Variants in CDH12 observed in about 807,000 individuals in gnomAD.
The protein encoded by CDH12 is cadherin 12, also known as cadherin-12.
CDH12 carries 41 observed loss-of-function variants against 74.1 expected under a neutral mutation model. The observed-to-expected ratio is 0.55, with a 90% CI of 0.43 to 0.72. The LOEUF is 0.72. Among genes scored for constraint, CDH12 ranks in the 30% least tolerant of loss-of-function variants. CDH12 has a pLI of 0.00. For missense variants in CDH12, 945 were observed against 977.2 expected (o/e 0.97, Z 0.44); for synonymous variants, 399 against 355.0 (o/e 1.12, Z -1.39).
chr5:21,994,711 G>A (rs1385155421), intron 5 of CDH12, among the ~76,000 whole-genome samples: 3 of 152,120 alleles, frequency 2.0e-5, no homozygotes, highest in Admixed American at 2.0e-4. Context: ...AGGTGAAGCC[G>A]GCTGGGCTTC....
intron 6 of CDH12, among the ~76,000 whole-genome samples, chr5:21,943,945 T>G (rs1406181990): frequency 6.6e-6 from 1 of 152,102 alleles, no homozygotes; most frequent in Non-Finnish European, 1.5e-5. Flanking sequence ...ATCAGTTAGT[T>G]ATAAAAAAAA....
chr5:22,349,926 T>C (rs1354664793), intron 3 of CDH12, among the ~76,000 whole-genome samples: 1 of 152,190 alleles, frequency 6.6e-6, no homozygotes, highest in Non-Finnish European at 1.5e-5. Context: ...CATTGAAAGA[T>C]TAAACAATAG....
intron 4 of CDH12, among the ~76,000 whole-genome samples, chr5:22,101,059 C>A (rs528519469): frequency 5.3e-5 from 8 of 151,964 alleles, no homozygotes; most frequent in Non-Finnish European, 1.0e-4. Flanking sequence ...ATTACAAAAA[C>A]CAGATATTAC....
chr5:22,135,209 C>CAA (rs5866550), intron 4 of CDH12, among the ~76,000 whole-genome samples: 3,163 of 119,264 alleles, frequency 0.027, 46 homozygotes, highest in African/African-American at 0.039. Context: ...AACACATAAG[C>CAA]AAAAAAAAAA....
chr5:22,458,434 C>T (rs539415237), intron 2 of CDH12, among the ~76,000 whole-genome samples: 6 of 152,270 alleles, frequency 3.9e-5, no homozygotes, highest in Admixed American at 2.0e-4. Context: ...ACCAGAGCTT[C>T]GGATTTCAAC....
chr5:22,485,931 A>G (rs1746573197), intron 2 of CDH12, among the ~76,000 whole-genome samples: 1 of 152,202 alleles, frequency 6.6e-6, no homozygotes, highest in South Asian at 2.1e-4. Context: ...AAGAGGGGCA[A>G]TAGGGTTAAA....
chr5:22,606,480 C>T (rs993087405), intron 1 of CDH12, among the ~76,000 whole-genome samples: 1 of 152,162 alleles, frequency 6.6e-6, no homozygotes, highest in Non-Finnish European at 1.5e-5. Context: ...TTCTGCTATG[C>T]TGTTCTCATG....
rs1183679995 is a variant in CDH12 at position 22,483,972 on chromosome 5, ACTT to A, written c.-428+21295_-428+21297del. On this transcript the variant is annotated intron_variant, in intron 2 of 14. Transcript: ENST00000382254. ...CGGGAATTCCAAATTTCAGAAACAA[ACTT>A]CTTCTAACCGTAAGAAATTGTTTAT... Among the ~76,000 whole-genome samples, 7 of 150,586 alleles carry A rather than the reference ACTT, an allele frequency of 4.6e-5. No individual in the cohort carries two copies. In the South Asian group the frequency reaches 6.3e-4, roughly 14 times the overall value.
At chr5:21,870,253 A>G (rs563381316) in intron 6 of CDH12, among the ~76,000 whole-genome samples, 329 of 152,186 alleles carry the variant, frequency 2.2e-3, no homozygotes, top group Non-Finnish European at 3.5e-3. Context: ...ATGGTCTAAT[A>G]CACCTAGAGA....
At chr5:22,374,288 T>C (rs1344052379) in intron 3 of CDH12, among the ~76,000 whole-genome samples, 3 of 151,968 alleles carry the variant, frequency 2.0e-5, no homozygotes, top group African/African-American at 7.2e-5. Flanking sequence ...CTCAACAAAA[T>C]AGAAGTAGAA....
intron 1 of CDH12, among the ~76,000 whole-genome samples, chr5:22,703,462 A>G (rs566538683): frequency 6.6e-6 from 1 of 152,268 alleles, no homozygotes; most frequent in Non-Finnish European, 1.5e-5. Flanking sequence ...TGTTAATATC[A>G]ACTTTTTTAA....
At chr5:21,844,158 G>A (rs893444767) in intron 7 of CDH12, among the ~76,000 whole-genome samples, 1 of 152,052 alleles carries the variant, frequency 6.6e-6, no homozygotes, top group Non-Finnish European at 1.5e-5. Flanking sequence ...AAAACATTAA[G>A]ATGCAAAGAT....
intron 10 of CDH12, among the ~76,000 whole-genome samples, chr5:21,801,076 G>T (rs916342555): frequency 6.6e-6 from 1 of 152,160 alleles, no homozygotes; most frequent in African/African-American, 2.4e-5. Flanking sequence ...ACTGACTGAG[G>T]TAGTATTCAT....
At chr5:22,678,044 TG>T (rs61039186) in intron 1 of CDH12, among the ~76,000 whole-genome samples, 12,888 of 135,072 alleles carry the variant, frequency 0.095, 1,276 homozygotes, top group African/African-American at 0.25. Flanking sequence ...ACCATCCTCA[TG>T]GGGGGGGGGG....
chr5:22,140,127 A>C (rs1746702278), intron 4 of CDH12, among the ~76,000 whole-genome samples: 1 of 152,158 alleles, frequency 6.6e-6, no homozygotes, highest in South Asian at 2.1e-4. Flanking sequence ...ATAGAAAATC[A>C]AGTCTTAAAT....
At chr5:22,493,753 C>T (rs973238824) in intron 2 of CDH12, among the ~76,000 whole-genome samples, 1 of 152,068 alleles carries the variant, frequency 6.6e-6, no homozygotes, top group Non-Finnish European at 1.5e-5. Flanking sequence ...GAAAGAAGGA[C>T]AGAATACACT....
chr5:22,265,360 T>A (rs1287235166), intron 3 of CDH12, among the ~76,000 whole-genome samples: 1 of 152,198 alleles, frequency 6.6e-6, no homozygotes, highest in Non-Finnish European at 1.5e-5. Flanking sequence ...CTGGAAAATC[T>A]GTAACAGTCA....
At chr5:22,304,903 C>A (rs1738036986) in intron 3 of CDH12, among the ~76,000 whole-genome samples, 1 of 152,168 alleles carries the variant, frequency 6.6e-6, no homozygotes, top group African/African-American at 2.4e-5. Context: ...GCTAAGGGGA[C>A]AGAATCTTGA....
At chr5:22,747,557 G>A (rs1209598027) in intron 1 of CDH12, among the ~76,000 whole-genome samples, 2 of 138,272 alleles carry the variant, frequency 1.4e-5, no homozygotes, top group Non-Finnish European at 3.0e-5. Flanking sequence ...AGTGCAGTGA[G>A]CCTAGATTGC....
Sources: allele counts gnomAD v4.1 joint callset (sites outside exome capture counted in the v4.1 genomes callset), GRCh38; gene constraint gnomAD v4.1.1; transcripts MANE v1.5; gene names NCBI Gene and HGNC (gene_info 2026-07-23, HGNC 2026-07-21).